TNFRSF10B: variants seen among roughly 807,000 people sequenced by gnomAD.
The protein encoded by TNFRSF10B is TNF receptor superfamily member 10b, also known as tumor necrosis factor receptor superfamily member 10B.
TNFRSF10B carries 35 observed loss-of-function variants against 41.4 expected under a neutral mutation model. That is an observed-to-expected ratio of 0.85 (90% CI 0.65 to 1.12). TNFRSF10B has a LOEUF of 1.12. TNFRSF10B is among the 50% of genes most tolerant of loss of function. TNFRSF10B has a pLI of 0.00. For missense variants in TNFRSF10B, 584 were observed against 552.7 expected, an observed-to-expected ratio of 1.06 and a Z score of -0.57; for synonymous variants, 230 against 215.5, an observed-to-expected ratio of 1.07 and a Z score of -0.59.
rs1336381388 is a variant in TNFRSF10B at position 23,020,773 on chromosome 8, G to C, written c.*1898C>G. 5 of 453,990 alleles carry C rather than the reference G, an allele frequency of 1.1e-5. No individual in the cohort carries two copies. Among genetic ancestry groups the C allele is most frequent in the Non-Finnish European group, 2.2e-5 (5 of 226,792 alleles). 28.1% of individuals were successfully genotyped at this position (453,990 alleles called of 1,614,324 possible). A position where few individuals can be genotyped will look rare whatever the true frequency, so the allele number is the denominator to read the frequency against. ...TGCATCTTCTAGGAAGGCCTCTGTG[G>C]AAGGGACAAGGGACCTGGGACCGGA... is the stretch of plus-strand genomic sequence containing the variant. On this transcript the variant is annotated 3_prime_UTR_variant, in exon 9 of 9. Coordinates refer to ENST00000276431, the MANE Select transcript of TNFRSF10B (RefSeq NM_003842.5).
At chr8:23,056,991 T>G (rs941612964) in intron 1 of TNFRSF10B, among the ~76,000 whole-genome samples, 6 of 151,952 alleles carry the variant, frequency 3.9e-5, no homozygotes, top group Admixed American at 1.3e-4. Flanking sequence ...GCATGTGTCC[T>G]CTTATAAATG....
At chr8:23,049,902 A>C (rs538118428) in intron 1 of TNFRSF10B, 22 of 152,414 alleles carry the variant, frequency 1.4e-4, no homozygotes, top group African/African-American at 4.8e-4. Flanking sequence ...GTCGCCAGCC[A>C]GAAGATAAGG....
chr8:23,025,921 C>A (rs1811690218), intron 7 of TNFRSF10B, among the ~76,000 whole-genome samples: 1 of 152,120 alleles, frequency 6.6e-6, no homozygotes, highest in South Asian at 2.1e-4. Context: ...ACAAAAAATA[C>A]AAAACTTAGC....
rs141856351 is a variant in TNFRSF10B at position 23,027,733 on chromosome 8, G to T, written c.769C>A (p.Arg257Ser). 2 of 1,613,996 alleles carry T rather than the reference G, an allele frequency of 1.2e-6. No homozygotes were observed. The highest frequency in any genetic ancestry group is 3.3e-5 in the Admixed American group (2 of 60,008). Residue 257 changes from arginine to serine, a missense_variant, in exon 6 of 9, where the codon CGT (arginine) becomes AGT (serine). Coordinates refer to ENST00000276431, the MANE Select transcript of TNFRSF10B (RefSeq NM_003842.5). ...ICSGGGGDPE[R>S]VDRSSQRPGA... is the part of the protein sequence containing the mutation. ...AGAAATCAACTCACTCTGTCCACAC[G>T]CTCAGGGTCCCCACCACCACCTAAA... is the stretch of plus-strand genomic sequence containing the variant.
intron 2 of TNFRSF10B, among the ~76,000 whole-genome samples, chr8:23,035,477 T>C (rs898213020): frequency 1.4e-4 from 21 of 152,082 alleles, no homozygotes; most frequent in African/African-American, 5.1e-4. Context: ...TTCCACAAGA[T>C]AACACACAAG....
chr8:23,023,768 T>G (rs935307657), intron 8 of TNFRSF10B, among the ~76,000 whole-genome samples: 3 of 152,234 alleles, frequency 2.0e-5, no homozygotes, highest in Non-Finnish European at 4.4e-5. Context: ...TTCCACTCTT[T>G]TTTGCATTAA....
intron 1 of TNFRSF10B, among the ~76,000 whole-genome samples, chr8:23,067,257 C>G (rs892307039): frequency 2.0e-5 from 3 of 152,046 alleles, no homozygotes; most frequent in African/African-American, 7.2e-5. Context: ...GGATTACAGG[C>G]ATGAGCTACC....
intron 1 of TNFRSF10B, among the ~76,000 whole-genome samples, chr8:23,066,750 C>T (rs1167146796): frequency 1.3e-5 from 2 of 150,928 alleles, no homozygotes; most frequent in South Asian, 2.1e-4. Context: ...ACAAAAAGTT[C>T]GCTGGGCGTG....
chr8:23,039,693 T>A (rs1279776337), intron 2 of TNFRSF10B, among the ~76,000 whole-genome samples: 2 of 152,136 alleles, frequency 1.3e-5, no homozygotes, highest in Non-Finnish European at 2.9e-5. Context: ...TCAACCTTGC[T>A]CCATACACAT....
chr8:23,033,150 G>A (rs1209569189), intron 2 of TNFRSF10B, among the ~76,000 whole-genome samples: 2 of 152,176 alleles, frequency 1.3e-5, no homozygotes, highest in Non-Finnish European at 2.9e-5. Flanking sequence ...CAAGAATGAA[G>A]AAGAAATTAA....
intron 2 of TNFRSF10B, among the ~76,000 whole-genome samples, chr8:23,039,667 A>C (rs1263083562): frequency 6.6e-6 from 1 of 152,184 alleles, no homozygotes; most frequent in African/African-American, 2.4e-5. Flanking sequence ...TGACACATAA[A>C]ATCAACCATC....
At chr8:23,058,740 C>T (rs139506864) in intron 1 of TNFRSF10B, among the ~76,000 whole-genome samples, 13 of 152,264 alleles carry the variant, frequency 8.5e-5, no homozygotes, top group African/African-American at 1.4e-4. Context: ...TCGCTTCACC[C>T]TCCCAAAGTG....
intron 1 of TNFRSF10B, chr8:23,068,153 C>A (rs1813051787): frequency 6.5e-6 from 1 of 154,026 alleles, no homozygotes; most frequent in African/African-American, 2.4e-5. Context: ...CGATGAGCGG[C>A]CCCGCACGCG....
chr8:23,054,151 G>C (rs1812597968), intron 1 of TNFRSF10B, among the ~76,000 whole-genome samples: 2 of 152,146 alleles, frequency 1.3e-5, no homozygotes, highest in South Asian at 4.1e-4. Flanking sequence ...GCAGGTTTCT[G>C]ATAACTTTGG....
At chr8:23,029,518 C>A in intron 4 of TNFRSF10B, 92 bp downstream of exon 4, 1 of 1,270,366 alleles carries the variant, frequency 7.9e-7, no homozygotes, top group Non-Finnish European at 1.1e-6. Context: ...ATGCCCCTTG[C>A]GGGTGCTGTC....
intron 1 of TNFRSF10B, among the ~76,000 whole-genome samples, chr8:23,053,014 G>A (rs1378489186): frequency 6.6e-6 from 1 of 152,230 alleles, no homozygotes; most frequent in Non-Finnish European, 1.5e-5. Flanking sequence ...AAGTCAGAAA[G>A]TCAAGGCATG....
Position 23,021,766 on chromosome 8 carries a change from G to A in TNFRSF10B, c.*905C>T, listed in dbSNP as rs1811530288. Reference sequence around the variant, plus strand: ...CAAAAGACTGGCCCCTGTAGAAGTTGCCAATCATTGAAGCCAAAGTACATC... The same window carrying A: ...CAAAAGACTGGCCCCTGTAGAAGTTACCAATCATTGAAGCCAAAGTACATC... On this transcript the variant is annotated 3_prime_UTR_variant, in exon 9 of 9. Transcript: ENST00000276431. 1 of 453,986 alleles carries A rather than the reference G, an allele frequency of 2.2e-6. No individual in the cohort carries two copies. The highest frequency in any genetic ancestry group is 4.4e-6 in the Non-Finnish European group (1 of 226,794). The allele number at this position is 453,986 out of a possible 1,614,324, so 28.1% of individuals were successfully genotyped here.
At position 23,022,728 on chromosome 8, in the gene TNFRSF10B, C is replaced by G. The variant is rs1170593969; in HGVS notation, c.1266G>C (p.Leu422Phe). Residue 422 changes from leucine to phenylalanine, a missense_variant, in exon 9 of 9, where the codon TTG becomes TTC. Transcript: ENST00000276431. ...GATACATGAACTTTCCAGAGCTCAA[C>G]AAGTGGTCCTCAATCTTCTGCTTGG... ...RLAKQKIEDHLLSSGKFMYLE... is the reference protein window; with the variant it reads ...RLAKQKIEDHFLSSGKFMYLE... 1 of 1,614,030 alleles carries G rather than the reference C, an allele frequency of 6.2e-7. No individual in the cohort carries two copies. The highest frequency in any genetic ancestry group is 8.5e-7 in the Non-Finnish European group (1 of 1,180,014).
At chr8:23,027,649 C>A in intron 6 of TNFRSF10B, 73 bp downstream of exon 6, 1 of 1,604,512 alleles carries the variant, frequency 6.2e-7, no homozygotes, top group Non-Finnish European at 8.5e-7. Flanking sequence ...GGGACCCACC[C>A]ACCCAGGTTC....
Sources: allele counts gnomAD v4.1 joint callset (sites outside exome capture counted in the v4.1 genomes callset), GRCh38; gene constraint gnomAD v4.1.1; transcripts MANE v1.5; gene names NCBI Gene and HGNC (gene_info 2026-07-23, HGNC 2026-07-21).